The following TPM1 variants were observed in gnomAD, a reference collection of about 807,000 sequenced individuals.
The protein encoded by TPM1 is tropomyosin 1, also known as tropomyosin alpha-1 chain.
In TPM1, 24 loss-of-function variants were observed where a neutral mutation model predicts 42.9. That is an observed-to-expected ratio of 0.56 (90% CI 0.41 to 0.79). The LOEUF (loss-of-function observed/expected upper bound fraction) is 0.79, where lower values mean the gene tolerates loss of function less well. Ranked by LOEUF, TPM1 falls within the 30% of genes least tolerant of loss-of-function variation. The probability of loss-of-function intolerance (pLI) is 0.00; values close to 1 mark genes in which losing one functional copy is unlikely to be tolerated. For synonymous variants in TPM1, 136 were observed against 130.1 expected (o/e 1.05, Z -0.31); for missense variants, 158 against 351.8 (o/e 0.45, Z 4.41).
intron 4 of TPM1, among the ~76,000 whole-genome samples, chr15:63,060,429 T>C (rs2035459814): frequency 6.6e-6 from 1 of 152,226 alleles, no homozygotes. Flanking sequence ...TAGTGTCTCT[T>C]GTATTCTTCC....
At chr15:63,060,960 G>T (rs1241104140) in intron 5 of TPM1, 21 bp downstream of exon 5, 1 of 1,613,644 alleles carries the variant, frequency 6.2e-7, no homozygotes. Flanking sequence ...CCGGCGCCAG[G>T]AGGCCACGAA....
At chr15:63,048,028 G>A (rs4075583) in intron 2 of TPM1, 181,510 of 309,072 alleles carry the variant, frequency 0.59, 54,716 homozygotes, top group Admixed American at 0.7. Context: ...ATAATCTTGC[G>A]GTTGGGATCA....
intron 2 of TPM1, chr15:63,054,560 C>T (rs1228490595): frequency 1.3e-5 from 2 of 152,200 alleles, no homozygotes; most frequent in African/African-American, 2.4e-5. Context: ...TTCCCCAAAG[C>T]ATAAACAGTC....
At chr15:63,067,879 A>G (rs538055969), downstream of TPM1, among the ~76,000 whole-genome samples, 5 of 152,220 alleles carry the variant, frequency 3.3e-5, no homozygotes, top group Non-Finnish European at 5.9e-5. Flanking sequence ...TTCCAAGGAT[A>G]TGAGCATGTC....
At chr15:63,049,857 T>A (rs2033459767) in intron 2 of TPM1, among the ~76,000 whole-genome samples, 1 of 152,240 alleles carries the variant, frequency 6.6e-6, no homozygotes, top group South Asian at 2.1e-4. Flanking sequence ...GTCCTGTGGA[T>A]ATCCCTGAAC....
At chr15:63,048,640 A>C (rs1180806328) in intron 2 of TPM1, 1 of 1,537,026 alleles carries the variant, frequency 6.5e-7, no homozygotes, top group Non-Finnish European at 8.8e-7. Flanking sequence ...GAGCAGGCGG[A>C]CGCCGCTGAG....
rs183030912 is a variant in TPM1, at chr15:63,048,927, G to T, written c.240+4775G>T. On this transcript the variant is annotated intron_variant, in intron 2 of 9. Transcript: ENST00000403994. ...TCCATCTCGCTGATCCAAAGTAAACGCTCCCAGGGGAAACGGGTGGTGTTG... is the reference window on the plus strand; with the variant it reads ...TCCATCTCGCTGATCCAAAGTAAACTCTCCCAGGGGAAACGGGTGGTGTTG... 585 of 648,514 alleles carry T rather than the reference G, an allele frequency of 9.0e-4. 5 individuals carry two copies. In the Admixed American group the frequency reaches 0.013, roughly 15 times the overall value. 40.2% of individuals were successfully genotyped at this position (648,514 alleles called of 1,614,324 possible).
chr15:63,050,412 G>A (rs1033639189), intron 2 of TPM1, among the ~76,000 whole-genome samples: 1 of 152,234 alleles, frequency 6.6e-6, no homozygotes, highest in Non-Finnish European at 1.5e-5. Flanking sequence ...CTAAGAAAGA[G>A]TATGTGTGAC....
At chr15:63,048,840 C>A (rs2033170751) in intron 2 of TPM1, 8 of 1,245,436 alleles carry the variant, frequency 6.4e-6, no homozygotes, top group Non-Finnish European at 7.9e-6. Context: ...ACCTGGCGCA[C>A]CTGGGCCAGC....
At chr15:63,071,235 T>A in exon 9 of TPM1, 1 of 1,029,242 alleles carries the variant, frequency 9.7e-7, no homozygotes, top group African/African-American at 1.5e-5. Flanking sequence ...AACACCTGCT[T>A]ACCCCTTAAA....
intron 2 of TPM1, chr15:63,046,008 G>A (rs535540609): frequency 1.3e-5 from 2 of 152,306 alleles, no homozygotes; most frequent in South Asian, 2.1e-4. Flanking sequence ...GTCATTTGTT[G>A]ATTAATGAAG....
Position 63,048,633 on chromosome 15 carries a change from C to G in TPM1, c.240+4481C>G, listed in dbSNP as rs543980919. The G allele has an allele frequency of 2.0e-6, 3 of 1,536,918 alleles. No homozygotes were observed. The East Asian group carries it at 7.6e-5, about 39-fold the overall frequency. ...CAGGAAGATCCGGAGCCTGCAGGAG[C>G]AGGCGGACGCCGCTGAGGAGCGCGC... On this transcript the variant is annotated intron_variant, in intron 2 of 9. Coordinates refer to ENST00000403994, the MANE Select transcript of TPM1 (RefSeq NM_001018005.2).
chr15:63,070,243 A>T (rs989952127), downstream of TPM1: 23 of 1,173,622 alleles, frequency 2.0e-5, no homozygotes, highest in Non-Finnish European at 2.4e-5. Flanking sequence ...AGCCCCCCCA[A>T]AAAATGTTTT....
downstream of TPM1, chr15:63,069,776 C>A: frequency 2.0e-6 from 3 of 1,513,056 alleles, no homozygotes; most frequent in Non-Finnish European, 2.7e-6. Flanking sequence ...TGCTTGAGGT[C>A]TCTTTGTGTT....
intron 2 of TPM1, chr15:63,048,875 C>G: frequency 1.2e-6 from 1 of 832,672 alleles, no homozygotes; most frequent in East Asian, 2.8e-5. Flanking sequence ...GGGGAGGGGC[C>G]CGGCCTGTTC....
chr15:63,060,931 C>T lies in TPM1; in HGVS notation c.555C>T (p.Leu185=), dbSNP rs752088217. ...AACGTGCAGAGGAGCGGGCTGAGCT[C>T]TCAGAAGGGTAAGCGGGCCCGGCGC... ...DLERAEERAE[L]SEGKCAELEE... is the part of the protein sequence containing the mutation. The change falls in exon 5 of 10, where the codon CTC becomes CTT. Residue 185 remains leucine (L), a synonymous_variant. Coordinates refer to ENST00000403994, the MANE Select transcript of TPM1 (RefSeq NM_001018005.2). The T allele has an allele frequency of 1.2e-6, 2 of 1,614,116 alleles. No individual in the cohort carries two copies. Among genetic ancestry groups the T allele is most frequent in the South Asian group, 2.2e-5 (2 of 91,084 alleles).
Position 63,065,783 on chromosome 15 carries a change from GCTT to G in TPM1, c.852-109_852-107del, listed in dbSNP as rs548220449. ...GGCTGGCAGTGGGGTTTGCATGACT[GCTT>G]CTTGTCTGTGTTTCAAGTGCTCTCA... On this transcript the variant is annotated intron_variant, in intron 9 of 9. Transcript: ENST00000403994. 225 of 1,413,466 alleles carry G rather than the reference GCTT, an allele frequency of 1.6e-4. No individual in the cohort carries two copies. In the African/African-American group the frequency reaches 3.0e-3, roughly 19 times the overall value. The allele number at this position is 1,413,466 out of a possible 1,614,324, so 87.6% of individuals were successfully genotyped here. A position where few individuals can be genotyped will look rare whatever the true frequency, so the allele number is the denominator to read the frequency against.
At chr15:63,050,736 G>C (rs756451389) in intron 2 of TPM1, among the ~76,000 whole-genome samples, 3 of 152,220 alleles carry the variant, frequency 2.0e-5, no homozygotes, top group Non-Finnish European at 2.9e-5. Flanking sequence ...ATTGAAGAGA[G>C]ACTTTCAGGC....
chr15:63,061,149 C>A (rs771387159), intron 5 of TPM1: 1 of 1,589,868 alleles, frequency 6.3e-7, no homozygotes. Context: ...GCCTTACCTG[C>A]ACACTGATTT....
Sources: gnomAD v4.1 joint callset for allele counts (sites outside exome capture counted in the v4.1 genomes callset) on GRCh38, gnomAD v4.1.1 for gene constraint, MANE v1.5 for transcripts, NCBI Gene and HGNC (gene_info 2026-07-23, HGNC 2026-07-21) for gene names.